SLC17A8: variants seen among roughly 807,000 people sequenced by gnomAD.
The protein encoded by SLC17A8 is vesicular glutamate transporter 3.
A neutral mutation model predicts 58.0 loss-of-function variants in SLC17A8; 31 were observed. The ratio of observed to expected loss-of-function variants is 0.53; its 90% confidence interval spans 0.40 to 0.72. SLC17A8 has a LOEUF of 0.72. Ranked by LOEUF, SLC17A8 falls within the 30% of genes least tolerant of loss-of-function variation. The pLI is 0.00. For missense variants in SLC17A8, 655 were observed against 727.8 expected (o/e 0.90, Z 1.15); for synonymous variants, 228 against 249.0 (o/e 0.92, Z 0.79).
chr12:100,369,836 G>T (rs1952546664), intron 1 of SLC17A8, among the ~76,000 whole-genome samples: 1 of 151,922 alleles, frequency 6.6e-6, no homozygotes, highest in South Asian at 2.1e-4. Context: ...TACAGACATG[G>T]GTACAAAACA....
At chr12:100,386,568 T>A (rs1952675961) in intron 2 of SLC17A8, among the ~76,000 whole-genome samples, 1 of 152,216 alleles carries the variant, frequency 6.6e-6, no homozygotes, top group Non-Finnish European at 1.5e-5. Flanking sequence ...GTATTTGTCT[T>A]TCTGTGACTG....
At chr12:100,392,130 C>T (rs1952721026) in intron 3 of SLC17A8, among the ~76,000 whole-genome samples, 2 of 151,996 alleles carry the variant, frequency 1.3e-5, no homozygotes, top group African/African-American at 4.8e-5. Flanking sequence ...CAGGTCGCTT[C>T]CAATTGTATT....
At chr12:100,385,407 C>T (rs998079372) in intron 2 of SLC17A8, among the ~76,000 whole-genome samples, 13 of 151,762 alleles carry the variant, frequency 8.6e-5, no homozygotes, top group African/African-American at 2.4e-4. Flanking sequence ...AGCTAATTTT[C>T]GTATTTTAAA....
chr12:100,403,012 A>T (rs1021167385), intron 8 of SLC17A8, among the ~76,000 whole-genome samples: 48 of 152,318 alleles, frequency 3.2e-4, no homozygotes, highest in African/African-American at 1.2e-3. Context: ...AAGCTAGCTC[A>T]AGGACGGCAT....
chr12:100,404,032 T>A lies in SLC17A8; in HGVS notation c.1054-6T>A. ...ACAAACTGCTTACTGTTTCTTTCCC[T>A]TCCAGGTGGGTCTCTTGTCAGCAGT... On this transcript the variant is annotated splice_polypyrimidine_tract_variant and splice_region_variant and intron_variant, in intron 8 of 11. Transcript: ENST00000323346. 6.2e-7 allele frequency: 1 copy of A among 1,614,140 alleles called. No individual in the cohort carries two copies. Among genetic ancestry groups the A allele is most frequent in the Non-Finnish European group, 8.5e-7 (1 of 1,180,030 alleles).
intron 1 of SLC17A8, among the ~76,000 whole-genome samples, chr12:100,369,438 T>C (rs964203678): frequency 2.0e-5 from 3 of 152,282 alleles, no homozygotes; most frequent in African/African-American, 7.2e-5. Context: ...TGCTTCTAAG[T>C]GTTGATTATA....
Position 100,390,990 on chromosome 12 carries a change from C to A in SLC17A8, c.355-11C>A. The A allele has an allele frequency of 6.3e-7, 1 of 1,577,618 alleles. No homozygotes were observed. Among genetic ancestry groups the A allele is most frequent in the Non-Finnish European group, 8.7e-7 (1 of 1,146,774 alleles). On this transcript the variant is annotated splice_polypyrimidine_tract_variant and intron_variant, in intron 2 of 11. Coordinates refer to ENST00000323346, the MANE Select transcript of SLC17A8 (RefSeq NM_139319.3). ...TAACAAACACAACTATATCTGATTTCTCATTTCCAGACAGCACAGTTTAAC... is the reference window on the plus strand; with the variant it reads ...TAACAAACACAACTATATCTGATTTATCATTTCCAGACAGCACAGTTTAAC...
In SLC17A8 at chr12:100,380,965, TC is replaced by T; in HGVS notation, c.354+14del. The T allele has an allele frequency of 6.2e-7, 1 of 1,613,790 alleles. No homozygotes were observed. The highest frequency in any genetic ancestry group is 1.1e-5 in the South Asian group (1 of 91,052). The stretch of plus-strand genomic sequence containing the variant: ...AACCGGAAATTCAGGTTGGTATCAG[TC>T]CATGGTGGAAGACTTTTCTTTTTGA... On this transcript the variant is annotated intron_variant, in intron 2 of 11. Transcript: ENST00000323346.
intron 4 of SLC17A8, among the ~76,000 whole-genome samples, chr12:100,394,342 C>T (rs1275436622): frequency 6.6e-6 from 1 of 151,104 alleles, no homozygotes; most frequent in African/African-American, 2.4e-5. Flanking sequence ...ATACCTATTA[C>T]TCTAAGCAAT....
chr12:100,420,311 A>C lies in SLC17A8; in HGVS notation c.*152A>C. 1.5e-6 allele frequency: 1 copy of C among 652,712 alleles called. No individual in the cohort carries two copies. Among genetic ancestry groups the C allele is most frequent in the East Asian group, 2.7e-5 (1 of 36,706 alleles). 40.4% of individuals were successfully genotyped at this position (652,712 alleles called of 1,614,324 possible). On this transcript the variant is annotated 3_prime_UTR_variant, in exon 12 of 12. Transcript: ENST00000323346. ...AGGGAAAAGAGAAATATTATCTTTC[A>C]ATGACATGTATAGGTAAGGAGCTGC... is the stretch of plus-strand genomic sequence containing the variant.
intron 4 of SLC17A8, among the ~76,000 whole-genome samples, chr12:100,394,505 G>A (rs1167131072): frequency 6.7e-6 from 1 of 148,728 alleles, no homozygotes; most frequent in African/African-American, 2.5e-5. Context: ...AGGTTCAAGC[G>A]ATTCTCCTGC....
intron 8 of SLC17A8, among the ~76,000 whole-genome samples, chr12:100,403,459 A>G (rs1952805749): frequency 6.6e-6 from 1 of 151,394 alleles, no homozygotes; most frequent in Non-Finnish European, 1.5e-5. Flanking sequence ...ACAGAGCAAG[A>G]CTCTGTCTAA....
chr12:100,371,104 T>C (rs1338201231), intron 1 of SLC17A8, among the ~76,000 whole-genome samples: 1 of 152,234 alleles, frequency 6.6e-6, no homozygotes, highest in Non-Finnish European at 1.5e-5. Context: ...AAACTAGCTC[T>C]GGGGATCGTA....
At chr12:100,404,352 G>A in intron 9 of SLC17A8, 182 bp downstream of exon 9, 1 of 710,056 alleles carries the variant, frequency 1.4e-6, no homozygotes, top group Middle Eastern at 3.9e-4. Context: ...TCATCCAGCT[G>A]GGACCTTTCC....
At chr12:100,412,060 G>A (rs1952872523) in intron 9 of SLC17A8, among the ~76,000 whole-genome samples, 3 of 152,084 alleles carry the variant, frequency 2.0e-5, no homozygotes, top group Admixed American at 1.3e-4. Flanking sequence ...AGTCAAAGGG[G>A]AATCATTACC....
chr12:100,418,957 CCTGA>C (rs1375153431), intron 11 of SLC17A8, among the ~76,000 whole-genome samples: 2 of 152,154 alleles, frequency 1.3e-5, no homozygotes, highest in South Asian at 2.1e-4. Context: ...GGATTGATAA[CCTGA>C]CTATTAAATC....
At chr12:100,396,185 G>C in intron 4 of SLC17A8, 145 bp from the exon 5 acceptor site, 1 of 718,578 alleles carries the variant, frequency 1.4e-6, no homozygotes, top group Non-Finnish European at 2.5e-6. Flanking sequence ...TAGGAATTTG[G>C]TGGGGACACA....
At chr12:100,398,333 C>G (rs1164129760) in intron 5 of SLC17A8, among the ~76,000 whole-genome samples, 2 of 152,214 alleles carry the variant, frequency 1.3e-5, no homozygotes, top group African/African-American at 4.8e-5. Context: ...CTTATACCAA[C>G]TCTAGAAGAG....
intron 1 of SLC17A8, among the ~76,000 whole-genome samples, chr12:100,364,402 G>A (rs934464162): frequency 1.3e-5 from 2 of 152,192 alleles, no homozygotes; most frequent in African/African-American, 2.4e-5. Context: ...CAGGAATTGT[G>A]CCATCTCAGG....
Sources: allele counts gnomAD v4.1 joint callset (sites outside exome capture counted in the v4.1 genomes callset), GRCh38; gene constraint gnomAD v4.1.1; transcripts MANE v1.5; gene names NCBI Gene and HGNC (gene_info 2026-07-23, HGNC 2026-07-21).